The following OPCML variants were observed in gnomAD, a reference collection of about 807,000 sequenced individuals.
The protein encoded by OPCML is opioid binding protein/cell adhesion molecule like.
OPCML carries 13 observed loss-of-function variants against 37.8 expected under a neutral mutation model. That is an observed-to-expected ratio of 0.34 (90% confidence interval 0.22 to 0.55). The LOEUF (loss-of-function observed/expected upper bound fraction) is 0.55. OPCML is among the 20% of genes least tolerant of loss of function. The pLI is 0.91. For synonymous variants in OPCML, 176 were observed against 168.8 expected, an observed-to-expected ratio of 1.04 and a Z score of -0.33; for missense variants, 341 against 435.6, an observed-to-expected ratio of 0.78 and a Z score of 1.93.
intron 2 of OPCML, among the ~76,000 whole-genome samples, chr11:132,730,897 T>C (rs995564657): frequency 6.6e-5 from 10 of 152,172 alleles, no homozygotes; most frequent in Non-Finnish European, 1.2e-4. Flanking sequence ...AAACTGAACA[T>C]GCGAAGAAAG....
chr11:133,369,557 G>T (rs899809947), intron 1 of OPCML, among the ~76,000 whole-genome samples: 1 of 152,176 alleles, frequency 6.6e-6, no homozygotes, highest in African/African-American at 2.4e-5. Flanking sequence ...TACACACATT[G>T]TATTTCATCA....
intron 1 of OPCML, chr11:133,024,736 G>T: frequency 1.1e-6 from 1 of 944,272 alleles, no homozygotes; most frequent in Non-Finnish European, 1.3e-6. Context: ...CAGCCCTCGC[G>T]CTTTTGAATA....
chr11:132,824,768 C>A (rs965359453), intron 2 of OPCML, among the ~76,000 whole-genome samples: 3 of 152,152 alleles, frequency 2.0e-5, no homozygotes, highest in Non-Finnish European at 2.9e-5. Context: ...ATAACAACAA[C>A]AAAAAAATCA....
In OPCML at chr11:132,892,825, A is replaced by G. The variant is rs1016529042; in HGVS notation, c.146+50101T>C. Among the ~76,000 whole-genome samples, 3 of 152,190 alleles carry G rather than the reference A, an allele frequency of 2.0e-5. No homozygotes were observed. In the South Asian group the frequency reaches 6.2e-4, roughly 31 times the overall value. ...GACTGTTGTTGCAATACTGCTATTT[A>G]TTGAGTAGAATATAACAAAGAGCAA... On this transcript the variant is annotated intron_variant, in intron 2 of 7. Coordinates refer to ENST00000524381, the MANE Select transcript of OPCML (RefSeq NM_001012393.5).
At chr11:132,844,164 T>C (rs995445905) in intron 2 of OPCML, among the ~76,000 whole-genome samples, 3 of 152,206 alleles carry the variant, frequency 2.0e-5, no homozygotes, top group Admixed American at 6.5e-5. Flanking sequence ...TTGTGAGGCT[T>C]CCCCAGCCAC....
chr11:132,631,473 T>G (rs563518296), intron 3 of OPCML, among the ~76,000 whole-genome samples: 9 of 150,404 alleles, frequency 6.0e-5, no homozygotes, highest in Non-Finnish European at 1.0e-4. Flanking sequence ...TTTCTTTATT[T>G]TTTTGAGACG....
intron 1 of OPCML, among the ~76,000 whole-genome samples, chr11:132,991,876 T>A (rs940146141): frequency 6.6e-6 from 1 of 151,994 alleles, no homozygotes; most frequent in Non-Finnish European, 1.5e-5. Flanking sequence ...TCCATGTTCA[T>A]ATCCAGAAAA....
chr11:133,312,538 C>G (rs1943089021), intron 1 of OPCML, among the ~76,000 whole-genome samples: 1 of 152,140 alleles, frequency 6.6e-6, no homozygotes, highest in African/African-American at 2.4e-5. Context: ...TCCCTTTGCT[C>G]AGCCTGTGTA....
chr11:133,339,452 C>G (rs553038374), intron 1 of OPCML, among the ~76,000 whole-genome samples: 260 of 152,318 alleles, frequency 1.7e-3, no homozygotes, highest in African/African-American at 5.8e-3. Context: ...GGAGGGCTGC[C>G]CACTGTTTCC....
At chr11:132,632,153 A>T (rs1041944528) in intron 3 of OPCML, among the ~76,000 whole-genome samples, 1 of 151,760 alleles carries the variant, frequency 6.6e-6, no homozygotes, top group Non-Finnish European at 1.5e-5. Flanking sequence ...AAAAAAAGAA[A>T]GAATGAGAAC....
At chr11:132,842,487 T>C (rs1941339090) in intron 2 of OPCML, among the ~76,000 whole-genome samples, 1 of 152,244 alleles carries the variant, frequency 6.6e-6, no homozygotes, top group African/African-American at 2.4e-5. Flanking sequence ...CATTTGCCTC[T>C]GTGCTGCTGT....
At chr11:133,254,499 T>A (rs184103167) in intron 1 of OPCML, among the ~76,000 whole-genome samples, 1 of 152,320 alleles carries the variant, frequency 6.6e-6, no homozygotes, top group East Asian at 1.9e-4. Context: ...AGGCAAAAGA[T>A]ATGCTCTGGA....
intron 1 of OPCML, among the ~76,000 whole-genome samples, chr11:133,286,541 T>C (rs1406284600): frequency 6.6e-6 from 1 of 151,540 alleles, no homozygotes; most frequent in Non-Finnish European, 1.5e-5. Context: ...TCAGTGTTCA[T>C]TTGATTTCTC....
chr11:132,562,050 TC>T (rs2096411835), intron 3 of OPCML, among the ~76,000 whole-genome samples: 1 of 152,150 alleles, frequency 6.6e-6, no homozygotes, highest in Non-Finnish European at 1.5e-5. Context: ...ATTTCCTTTC[TC>T]CCTAGTTATG....
In OPCML at chr11:133,315,250, C is replaced by CTT. The variant is rs145934571; in HGVS notation, c.61+217013_61+217014insAA. On this transcript the variant is annotated intron_variant, in intron 1 of 7. Transcript: ENST00000524381. The stretch of plus-strand genomic sequence containing the variant: ...GCATGTGCACTTTTTAAAGTGGAAT[C>CTT]TAATGACAATAAAATTTAATTGGAC... Among the ~76,000 whole-genome samples the CTT allele has an allele frequency of 6.6e-3, 1,007 of 152,182 alleles. 2 individuals are homozygous for CTT. Among genetic ancestry groups the CTT allele is most frequent in the Middle Eastern group, 0.014 (4 of 294 alleles).
chr11:132,603,538 C>T (rs1938069542), intron 3 of OPCML, among the ~76,000 whole-genome samples: 1 of 152,204 alleles, frequency 6.6e-6, no homozygotes, highest in Non-Finnish European at 1.5e-5. Flanking sequence ...GCTTCCTAAA[C>T]TATCTCCCTG....
chr11:133,021,356 G>T (rs992668667), intron 1 of OPCML, among the ~76,000 whole-genome samples: 5 of 152,096 alleles, frequency 3.3e-5, no homozygotes, highest in African/African-American at 1.2e-4. Flanking sequence ...ACGTCAAGTG[G>T]ACACCCCAGG....
intron 3 of OPCML, among the ~76,000 whole-genome samples, chr11:132,603,530 T>TTCCTAAACTATCTC (rs1456293476): frequency 1.3e-5 from 2 of 152,212 alleles, no homozygotes; most frequent in Non-Finnish European, 2.9e-5. Context: ...CTACAGCAGC[T>TTCCTAAACTATCTC]TCCTAAACTA....
At chr11:133,270,066 G>T (rs996073481) in intron 1 of OPCML, among the ~76,000 whole-genome samples, 4 of 152,174 alleles carry the variant, frequency 2.6e-5, no homozygotes, top group African/African-American at 4.8e-5. Flanking sequence ...TTAGTCTCCT[G>T]TCCTATTCAT....
Sources: gnomAD v4.1 joint callset for allele counts (sites outside exome capture counted in the v4.1 genomes callset) on GRCh38, gnomAD v4.1.1 for gene constraint, MANE v1.5 for transcripts, NCBI Gene and HGNC (gene_info 2026-07-23, HGNC 2026-07-21) for gene names.